The following VMA12 variants were observed in gnomAD, a reference collection of about 807,000 sequenced individuals.
The protein encoded by VMA12 is vacuolar ATPase assembly factor VMA12, also known as vacuolar ATPase assembly protein VMA12.
chr17:28,358,808 A>T, the VMA12 span: 1 of 815,078 alleles, frequency 1.2e-6, no homozygotes, highest in Non-Finnish European at 2.0e-6. Flanking sequence ...ATTAATGTAG[A>T]GATGGCCCTG....
the VMA12 span, chr17:28,357,684 T>A: frequency 6.2e-7 from 1 of 1,612,536 alleles, no homozygotes; most frequent in Non-Finnish European, 8.5e-7. Context: ...GCGTCCTCTT[T>A]GCTTGCGGGC....
At chr17:28,358,939 C>G in the VMA12 span, 1 of 1,612,334 alleles carries the variant, frequency 6.2e-7, no homozygotes, top group Non-Finnish European at 8.5e-7. Flanking sequence ...CCTCCATGAG[C>G]TCCTAGAAGG....
the VMA12 span, chr17:28,359,071 T>G: frequency 3.0e-6 from 4 of 1,343,266 alleles, no homozygotes; most frequent in African/African-American, 5.9e-5. Flanking sequence ...AAATCAACTT[T>G]TAGGCTTGAA....
the VMA12 span, chr17:28,362,196 T>C: frequency 4.6e-5 from 7 of 152,192 alleles, no homozygotes; most frequent in African/African-American, 1.4e-4. Flanking sequence ...TTTTTTTTTT[T>C]CCAAAGCACT....
chr17:28,359,513 T>C, the VMA12 span: 1 of 998,442 alleles, frequency 1.0e-6, no homozygotes, highest in South Asian at 1.4e-5. Context: ...GTTTCTATAC[T>C]GTTCAGGGAC....
At chr17:28,361,190 G>A in the VMA12 span, 1 of 1,614,120 alleles carries the variant, frequency 6.2e-7, no homozygotes, top group Non-Finnish European at 8.5e-7. Context: ...CGCCTCTGTG[G>A]TGGGTCTGGC....
At chr17:28,361,817 T>C in the VMA12 span, 3 of 154,250 alleles carry the variant, frequency 1.9e-5, no homozygotes, top group African/African-American at 7.2e-5. Context: ...GCAAGGCAGC[T>C]ACCTTTTTGC....
the VMA12 span, chr17:28,358,311 T>C: frequency 5.1e-5 from 22 of 434,560 alleles, no homozygotes; most frequent in African/African-American, 4.1e-4. Context: ...TTTTTTAATA[T>C]AGGATGGCAA....
At chr17:28,358,411 G>A in the VMA12 span, 2 of 472,206 alleles carry the variant, frequency 4.2e-6, no homozygotes, top group Admixed American at 2.3e-5. Context: ...ATTTCTCCTC[G>A]CTGGGCCTCA....
chr17:28,359,334 G>A, the VMA12 span: 44 of 1,613,902 alleles, frequency 2.7e-5, no homozygotes, highest in Admixed American at 5.0e-5. Context: ...CTAGTTGCCC[G>A]GCTGGAGAAG....
chr17:28,361,263 A>C, the VMA12 span: 1 of 1,613,840 alleles, frequency 6.2e-7, no homozygotes, highest in Non-Finnish European at 8.5e-7. Context: ...CTGGTGCTTC[A>C]TCATCAAGTC....
At chr17:28,361,846 GC>G in the VMA12 span, 2 of 153,996 alleles carry the variant, frequency 1.3e-5, no homozygotes, top group Non-Finnish European at 2.9e-5. Flanking sequence ...ATGGTGTTAG[GC>G]CCCTTTTCCA....
the VMA12 span, chr17:28,360,389 G>T: frequency 1.3e-6 from 1 of 775,570 alleles, no homozygotes; most frequent in Non-Finnish European, 2.1e-6. Context: ...CCAGAAAAGA[G>T]TCAAAATGGT....
At chr17:28,361,010 A>G in the VMA12 span, 1 of 915,934 alleles carries the variant, frequency 1.1e-6, no homozygotes, top group Non-Finnish European at 1.7e-6. Flanking sequence ...AGGTTAGGTA[A>G]TAACCCCAGG....
chr17:28,357,937 C>T, the VMA12 span: 1 of 1,581,574 alleles, frequency 6.3e-7, no homozygotes, highest in Non-Finnish European at 8.7e-7. Context: ...CGATTCCCTC[C>T]TGAGGTCTTT....
the VMA12 span, chr17:28,362,567 GGT>G: frequency 1.3e-5 from 2 of 152,222 alleles, no homozygotes; most frequent in Non-Finnish European, 1.5e-5. Context: ...GGGAGACCAA[GGT>G]GGGAGGATGC....
chr17:28,357,826 A>G, the VMA12 span: 3,316 of 1,614,070 alleles, frequency 2.1e-3, 120 homozygotes, highest in East Asian at 0.048. Context: ...GTGGCCCCCA[A>G]CGCTTGGTTT....
chr17:28,358,158 C>G, the VMA12 span: 4 of 502,042 alleles, frequency 8.0e-6, no homozygotes, highest in African/African-American at 3.9e-5. Flanking sequence ...AGGTTTTTAC[C>G]AAATACAAAT....
chr17:28,359,478 AGTTT>A, the VMA12 span: 4 of 1,438,580 alleles, frequency 2.8e-6, no homozygotes, highest in Admixed American at 3.6e-5. Context: ...GAAGATACAG[AGTTT>A]AGAAAAAACA....
Sources: gnomAD v4.1 joint callset for allele counts on GRCh38, gnomAD v4.1.1 for gene constraint, MANE v1.5 for transcripts, NCBI Gene and HGNC (gene_info 2026-07-23, HGNC 2026-07-21) for gene names.